The following MPV17 variants were observed in gnomAD, a reference collection of about 807,000 sequenced individuals.
The protein encoded by MPV17 is mitochondrial inner membrane protein MPV17.
Under a neutral mutation model 28.6 loss-of-function variants are expected in MPV17, and 31 were observed. The ratio of observed to expected loss-of-function variants is 1.08; its 90% CI spans 0.81 to 1.46. The LOEUF is 1.46. Ranked by LOEUF, MPV17 falls within the 40% of genes most tolerant of loss-of-function variation. The probability of loss-of-function intolerance (pLI) is 0.00; values close to 1 mark genes in which losing one functional copy is unlikely to be tolerated. For synonymous variants in MPV17, 87 were observed against 85.3 expected, an observed-to-expected ratio of 1.02 and a Z score of -0.11; for missense variants, 198 against 216.2, an observed-to-expected ratio of 0.92 and a Z score of 0.53.
At chr2:27,314,710 C>T (rs1679585851) in intron 2 of MPV17, among the ~76,000 whole-genome samples, 1 of 152,188 alleles carries the variant, frequency 6.6e-6, no homozygotes, top group South Asian at 2.1e-4. Flanking sequence ...TGATTTCCAG[C>T]TCACCTGTCT....
intron 2 of MPV17, chr2:27,321,876 G>A (rs1171825225): frequency 1.3e-5 from 2 of 154,426 alleles, no homozygotes; most frequent in African/African-American, 4.8e-5. Flanking sequence ...GAAATTTTGG[G>A]TGAATTACGG....
intron 2 of MPV17, among the ~76,000 whole-genome samples, chr2:27,320,022 G>C (rs1679799567): frequency 6.7e-6 from 1 of 149,670 alleles, no homozygotes; most frequent in Non-Finnish European, 1.5e-5. Flanking sequence ...TGAATCACGA[G>C]GTCAAGTGTC....
intron 2 of MPV17, among the ~76,000 whole-genome samples, chr2:27,315,323 C>T (rs1018121952): frequency 3.3e-5 from 5 of 152,186 alleles, no homozygotes; most frequent in East Asian, 1.9e-4. Flanking sequence ...CACCCGCACC[C>T]GGTTCCCTAT....
chr2:27,311,436 C>A, intron 7 of MPV17: 1 of 728,322 alleles, frequency 1.4e-6, no homozygotes, highest in Non-Finnish European at 2.2e-6. Flanking sequence ...ATATTTTCCC[C>A]TGTTCCCACG....
chr2:27,313,618 G>A (rs1265322556), intron 2 of MPV17, among the ~76,000 whole-genome samples: 1 of 152,142 alleles, frequency 6.6e-6, no homozygotes, highest in Non-Finnish European at 1.5e-5. Context: ...GTGTAGAATG[G>A]TAGGAAACCC....
At position 27,312,200 on chromosome 2, in the gene MPV17, G is replaced by A; in HGVS notation, c.408+14C>T. 1 of 1,613,308 alleles carries A rather than the reference G, an allele frequency of 6.2e-7. No individual in the cohort carries two copies. The highest frequency in any genetic ancestry group is 2.2e-5 in the East Asian group (1 of 44,880). On this transcript the variant is annotated intron_variant, in intron 6 of 7. Transcript: ENST00000380044. ...GGAAGCAGGAGAACAAGCAGTTGAGGTGTCAGCTCTTACATAGTAGTTGGT... is the reference window on the plus strand; with the variant it reads ...GGAAGCAGGAGAACAAGCAGTTGAGATGTCAGCTCTTACATAGTAGTTGGT...
rs543675118 is a variant in MPV17, at chr2:27,309,966, T to C, written c.477A>G (p.Gln159=). The C allele has an allele frequency of 5.6e-5, 91 of 1,613,880 alleles. No individual in the cohort carries two copies. Among genetic ancestry groups the C allele is most frequent in the East Asian group, 8.9e-5 (4 of 44,878 alleles). ...VPLHYRLAVV[Q]CVAVIWNSYL... ...AGGAGTTCCAGATAACAGCAACACA[T>C]TGGACAACGGCCAACCTAAGGAACA... Residue 159 remains glutamine (Q), a synonymous_variant, in exon 8 of 8, where the codon CAA becomes CAG. Coordinates refer to ENST00000380044, the MANE Select transcript of MPV17 (RefSeq NM_002437.5).
intron 2 of MPV17, among the ~76,000 whole-genome samples, chr2:27,314,008 G>A (rs1679555119): frequency 6.6e-6 from 1 of 152,146 alleles, no homozygotes; most frequent in African/African-American, 2.4e-5. Context: ...CACTGTGCCT[G>A]GCCAGAATAA....
Position 27,309,683 on chromosome 2 carries a change from A to G in MPV17, c.*229T>C, listed in dbSNP as rs527826929. ...ATAAGGTCATGAAGGTTCAACAGAT[A>G]TTTATGGAGTGCCTAGTATGTGGTG... On this transcript the variant is annotated 3_prime_UTR_variant, in exon 8 of 8. Coordinates refer to ENST00000380044, the MANE Select transcript of MPV17 (RefSeq NM_002437.5). 6.3e-4 allele frequency: 394 copies of G among 622,260 alleles called. 2 individuals are homozygous for G. Among genetic ancestry groups the G allele is most frequent in the African/African-American group, 6.1e-3 (332 of 54,798 alleles). The allele number at this position is 622,260 out of a possible 1,614,324, so 38.5% of individuals were successfully genotyped here.
At chr2:27,311,475 A>T (rs1679436955) in intron 7 of MPV17, 7 of 957,548 alleles carry the variant, frequency 7.3e-6, no homozygotes, top group African/African-American at 1.6e-5. Context: ...TTTGAACCAC[A>T]CATCTTCAGT....
At chr2:27,320,517 G>A (rs895962518) in intron 2 of MPV17, among the ~76,000 whole-genome samples, 1 of 152,006 alleles carries the variant, frequency 6.6e-6, no homozygotes, top group Admixed American at 6.6e-5. Context: ...TGTATTTTTA[G>A]TAGAGACGGG....
At chr2:27,316,960 G>T in intron 2 of MPV17, 1 of 988,180 alleles carries the variant, frequency 1.0e-6, no homozygotes, top group Non-Finnish European at 1.5e-6. Context: ...CTGCCTCTGA[G>T]CAGATCAATT....
chr2:27,315,462 G>C (rs574171522), intron 2 of MPV17, among the ~76,000 whole-genome samples: 4 of 152,104 alleles, frequency 2.6e-5, no homozygotes, highest in South Asian at 2.1e-4. Context: ...ACAGTGTAAC[G>C]GTCTACTTTG....
intron 3 of MPV17, 40 bp downstream of exon 3, chr2:27,312,954 C>T: frequency 1.2e-6 from 2 of 1,606,958 alleles, no homozygotes; most frequent in Non-Finnish European, 1.7e-6. Context: ...ACTAAGACCA[C>T]TGTTGAGTCC....
In MPV17 at chr2:27,312,251, G is replaced by A; in HGVS notation, c.376-5C>T. The A allele has an allele frequency of 6.2e-7, 1 of 1,614,026 alleles. No individual in the cohort carries two copies. Among genetic ancestry groups the A allele is most frequent in the Non-Finnish European group, 8.5e-7 (1 of 1,179,898 alleles). Reference sequence around the variant, plus strand: ...GATAAGGGCATCAGGATAATCCTGGGGAGACAGAGAAGGAACAAATTAACA... The same window carrying A: ...GATAAGGGCATCAGGATAATCCTGGAGAGACAGAGAAGGAACAAATTAACA... On this transcript the variant is annotated splice_region_variant and splice_polypyrimidine_tract_variant and intron_variant, in intron 5 of 7. Coordinates refer to ENST00000380044, the MANE Select transcript of MPV17 (RefSeq NM_002437.5).
In MPV17 at chr2:27,311,766, G is replaced by C. The variant is rs1016062366; in HGVS notation, c.461+133C>G. The stretch of plus-strand genomic sequence containing the variant: ...TTCTGAATAACACGCTTGGGAATCT[G>C]AGGAACTCTGATCACGGCTCAGTGT... On this transcript the variant is annotated intron_variant, in intron 7 of 7. Coordinates refer to ENST00000380044, the MANE Select transcript of MPV17 (RefSeq NM_002437.5). 9.6e-6 allele frequency: 15 copies of C among 1,561,370 alleles called. No individual in the cohort carries two copies. In the African/African-American group the frequency reaches 2.0e-4, roughly 21 times the overall value.
At position 27,312,002 on chromosome 2, in the gene MPV17, G is replaced by GA; in HGVS notation, c.409-52dup. On this transcript the variant is annotated intron_variant, in intron 6 of 7. Transcript: ENST00000380044. ...ATGGCTGCCCCACCACCTGACCCCAGACTCACTGTCTTGCCTGGCCCTACC... is the reference window on the plus strand; with the variant it reads ...ATGGCTGCCCCACCACCTGACCCCAGAACTCACTGTCTTGCCTGGCCCTACC... 2.5e-6 allele frequency: 4 copies of GA among 1,601,912 alleles called. No homozygotes were observed. In the South Asian group the frequency reaches 4.5e-5, roughly 18 times the overall value.
chr2:27,319,150 C>G (rs1483210140), intron 2 of MPV17, among the ~76,000 whole-genome samples: 1 of 151,958 alleles, frequency 6.6e-6, no homozygotes. Flanking sequence ...AATAATGCAT[C>G]CTTAGAGTGG....
At chr2:27,313,310 G>A (rs949321260) in intron 2 of MPV17, 5 of 1,262,320 alleles carry the variant, frequency 4.0e-6, no homozygotes, top group Admixed American at 2.2e-5. Flanking sequence ...TGTGTATTCT[G>A]TCAGAAACTG....
Sources: allele counts gnomAD v4.1 joint callset (sites outside exome capture counted in the v4.1 genomes callset), GRCh38; gene constraint gnomAD v4.1.1; transcripts MANE v1.5; gene names NCBI Gene and HGNC (gene_info 2026-07-23, HGNC 2026-07-21).